IFT52: variants seen among roughly 807,000 people sequenced by gnomAD.
IFT52 encodes the protein intraflagellar transport protein 52 homolog.
IFT52 carries 44 observed loss-of-function variants against 54.4 expected under a neutral mutation model. The ratio of observed to expected loss-of-function variants is 0.81; its 90% CI spans 0.63 to 1.04. The LOEUF (loss-of-function observed/expected upper bound fraction) is 1.04, where lower values mean the gene tolerates loss of function less well. IFT52 is among the 50% of genes least tolerant of loss of function. The pLI, the probability that IFT52 is intolerant of heterozygous loss-of-function variation, is 0.00. For synonymous variants in IFT52, 181 were observed against 185.3 expected (o/e 0.98, Z 0.19); for missense variants, 452 against 523.6 (o/e 0.86, Z 1.33).
At position 43,603,170 on chromosome 20, in the gene IFT52, C is replaced by T. The variant is rs140442162; in HGVS notation, c.208-590C>T. 7.8e-3 allele frequency among the ~76,000 whole-genome samples: 1,189 copies of T among 152,222 alleles called. 21 individuals are homozygous for T. Among genetic ancestry groups the T allele is most frequent in the African/African-American group, 0.027 (1,110 of 41,532 alleles). ...TCAACCCTAGATTTTTCTCCCTTCC[C>T]CAGCTTTGTGAAAATGAGAGAGCTT... On this transcript the variant is annotated intron_variant, in intron 3 of 13. Coordinates refer to ENST00000373030, the MANE Select transcript of IFT52 (RefSeq NM_016004.5).
At chr20:43,594,639 A>G (rs531451513) in intron 1 of IFT52, 54 bp from the exon 2 acceptor site, 2 of 964,994 alleles carry the variant, frequency 2.1e-6, no homozygotes, top group South Asian at 2.7e-5. Context: ...TATTACTTTT[A>G]GGGTCTTTGG....
chr20:43,639,260 G>C (rs1000319303), intron 12 of IFT52, among the ~76,000 whole-genome samples: 2 of 148,394 alleles, frequency 1.3e-5, no homozygotes, highest in African/African-American at 4.9e-5. Flanking sequence ...AAAATTGCCT[G>C]AGCACGGTGG....
intron 10 of IFT52, among the ~76,000 whole-genome samples, chr20:43,627,744 C>CT (rs36108528): frequency 6.0e-5 from 9 of 150,590 alleles, no homozygotes; most frequent in East Asian, 1.9e-4. Context: ...AGCTCTTTTT[C>CT]TTTTTTTTTG....
rs534659492 is a variant in IFT52 at position 43,628,707 on chromosome 20, C to T, written c.923+4662C>T. ...CTCTACTAAAAACACAAAAATCAGC[C>T]GAGCTTGGTGGTGCGCGCCTGTAGT... is the stretch of plus-strand genomic sequence containing the variant. On this transcript the variant is annotated intron_variant, in intron 10 of 13. Transcript: ENST00000373030. Among the ~76,000 whole-genome samples, 16 of 152,164 alleles carry T rather than the reference C, an allele frequency of 1.1e-4. No individual in the cohort carries two copies. In the South Asian group the frequency reaches 2.1e-3, roughly 20 times the overall value.
intron 9 of IFT52, among the ~76,000 whole-genome samples, chr20:43,622,973 G>A (rs1275699738): frequency 6.6e-6 from 1 of 151,996 alleles, no homozygotes; most frequent in Non-Finnish European, 1.5e-5. Flanking sequence ...GGCTAGGGGA[G>A]AAGGACTGGG....
intron 12 of IFT52, among the ~76,000 whole-genome samples, chr20:43,640,411 G>A (rs186622430): frequency 6.6e-6 from 1 of 152,218 alleles, no homozygotes; most frequent in East Asian, 1.9e-4. Context: ...AGTAAGCCAA[G>A]ATCACGCCAC....
At chr20:43,646,426 CT>C (rs1986204192) in intron 13 of IFT52, among the ~76,000 whole-genome samples, 2 of 152,150 alleles carry the variant, frequency 1.3e-5, no homozygotes, top group South Asian at 4.1e-4. Flanking sequence ...GTGCTGGAGG[CT>C]GGGGCCATAG....
Position 43,613,946 on chromosome 20 carries a change from C to G in IFT52, c.582C>G (p.Asn194Lys). The part of the protein sequence containing the change: ...LSTGSVCFPL[N>K]RPILAFYHSK... Reference sequence around the variant, plus strand: ...CAGGTTCTGTCTGCTTCCCACTTAACAGACCCATTTTGGCTTTCTATCACT... The same window carrying G: ...CAGGTTCTGTCTGCTTCCCACTTAAGAGACCCATTTTGGCTTTCTATCACT... Residue 194 changes from asparagine to lysine, a missense_variant, in exon 7 of 14, where the codon AAC (asparagine) becomes AAG (lysine). By Grantham distance (94) the Asn-to-Lys change is moderately conservative (BLOSUM62 0). Coordinates refer to ENST00000373030, the MANE Select transcript of IFT52 (RefSeq NM_016004.5). 1 of 1,614,064 alleles carries G rather than the reference C, an allele frequency of 6.2e-7. No homozygotes were observed. The highest frequency in any genetic ancestry group is 2.2e-5 in the East Asian group (1 of 44,880).
rs542400921 is a variant in IFT52 at position 43,606,448 on chromosome 20, A to G, written c.485+1375A>G. Among the ~76,000 whole-genome samples the G allele has an allele frequency of 5.9e-5, 9 of 151,460 alleles. No individual in the cohort carries two copies. The South Asian group carries it at 1.5e-3, about 25-fold the overall frequency. ...GCCACCACACCCAGCTAATTTCTCT[A>G]TTTTTAGTAGAGATGGGGTTTCACC... On this transcript the variant is annotated intron_variant, in intron 6 of 13. Transcript: ENST00000373030.
intron 3 of IFT52, among the ~76,000 whole-genome samples, chr20:43,596,815 C>T (rs1353734200): frequency 1.3e-4 from 19 of 144,348 alleles, no homozygotes; most frequent in African/African-American, 4.9e-4. Context: ...AATCTCGGCT[C>T]ACTGCAACCT....
Position 43,613,964 on chromosome 20 carries a change from C to T in IFT52, c.600C>T (p.Phe200=), listed in dbSNP as rs780070990. Residue 200 remains phenylalanine (F), a synonymous_variant, in exon 7 of 14, where the codon TTC becomes TTT. Transcript: ENST00000373030. ...CFPLNRPILA[F]YHSKNQGGKL... ...CACTTAACAGACCCATTTTGGCTTT[C>T]TATCACTCAAAGGTACAGCTTTTCT... 9 of 1,613,692 alleles carry T rather than the reference C, an allele frequency of 5.6e-6. No individual in the cohort carries two copies. Among genetic ancestry groups the T allele is most frequent in the African/African-American group, 1.3e-5 (1 of 74,934 alleles).
chr20:43,625,293 G>A (rs1247046032), intron 10 of IFT52, among the ~76,000 whole-genome samples: 8 of 151,984 alleles, frequency 5.3e-5, no homozygotes, highest in African/African-American at 1.2e-4. Flanking sequence ...GGAAGATCGC[G>A]AGGTCAGGCG....
chr20:43,605,618 C>T (rs76560976), intron 6 of IFT52, among the ~76,000 whole-genome samples: 2,541 of 151,968 alleles, frequency 0.017, 36 homozygotes, highest in Non-Finnish European at 0.023. Flanking sequence ...AGGTGAGTAC[C>T]TCTTCATTTT....
At chr20:43,637,114 A>G (rs1985586967) in intron 11 of IFT52, 31 bp from the exon 12 acceptor site, 2 of 1,452,728 alleles carry the variant, frequency 1.4e-6, no homozygotes, top group South Asian at 1.1e-5. Context: ...ATCCTCCCTC[A>G]TTTCTAAATA....
chr20:43,618,925 C>G lies in IFT52; in HGVS notation c.613-15C>G. On this transcript the variant is annotated splice_polypyrimidine_tract_variant and intron_variant, in intron 7 of 13. Transcript: ENST00000373030. ...TTTCGGATTTGAGTATCTGACCCTG[C>G]TTTGTCATCAATAGAACCAAGGTGG... is the stretch of plus-strand genomic sequence containing the variant. 1 of 1,594,078 alleles carries G rather than the reference C, an allele frequency of 6.3e-7. No homozygotes were observed.
intron 2 of IFT52, among the ~76,000 whole-genome samples, chr20:43,595,818 G>A (rs1027672582): frequency 1.3e-5 from 2 of 151,150 alleles, no homozygotes; most frequent in African/African-American, 4.9e-5. Flanking sequence ...CCCAGGAAGT[G>A]AATGCCTGCA....
chr20:43,620,877 C>T lies in IFT52; in HGVS notation c.720C>T (p.Leu240=). ...TTTAGGATGTTGTTTTCCAGTGGCT[C>T]ACGACAGGAGACATCCACCTAAACC... is the stretch of plus-strand genomic sequence containing the variant. ...SKIMDVVFQW[L]TTGDIHLNQI... is the part of the protein sequence containing the mutation. The change falls in exon 9 of 14, where the codon CTC becomes CTT. Residue 240 remains leucine (L), a synonymous_variant. Coordinates refer to ENST00000373030, the MANE Select transcript of IFT52 (RefSeq NM_016004.5). 1.9e-6 allele frequency: 3 copies of T among 1,610,698 alleles called. No individual in the cohort carries two copies. The highest frequency in any genetic ancestry group is 2.5e-6 in the Non-Finnish European group (3 of 1,178,628).
At chr20:43,607,882 C>T (rs1285856523) in intron 6 of IFT52, among the ~76,000 whole-genome samples, 4 of 152,212 alleles carry the variant, frequency 2.6e-5, no homozygotes, top group Non-Finnish European at 5.9e-5. Flanking sequence ...AACAAGACTC[C>T]GTCTGCAATC....
chr20:43,615,259 C>A (rs1983770648), intron 7 of IFT52, among the ~76,000 whole-genome samples: 1 of 151,876 alleles, frequency 6.6e-6, no homozygotes, highest in Non-Finnish European at 1.5e-5. Flanking sequence ...CCAGGCTGGT[C>A]TTAAACTTCT....
Sources: gnomAD v4.1 joint callset for allele counts (sites outside exome capture counted in the v4.1 genomes callset) on GRCh38, gnomAD v4.1.1 for gene constraint, MANE v1.5 for transcripts, NCBI Gene and HGNC (gene_info 2026-07-23, HGNC 2026-07-21) for gene names.